The following NAT1 variants were observed in gnomAD, a reference collection of about 807,000 sequenced individuals.
The protein encoded by NAT1 is N-acetyltransferase 1.
For synonymous variants in NAT1, 144 were observed against 122.6 expected, an observed-to-expected ratio of 1.17 and a Z score of -1.16; for missense variants, 400 against 339.2, an observed-to-expected ratio of 1.18 and a Z score of -1.41.
chr8:18,196,096 C>T (rs928324556), intron 2 of NAT1, among the ~76,000 whole-genome samples: 2 of 151,922 alleles, frequency 1.3e-5, no homozygotes, highest in Non-Finnish European at 2.9e-5. Flanking sequence ...AATTTCAAAA[C>T]ATTACACTTT....
intron 2 of NAT1, 101 bp from the exon 3 acceptor site, chr8:18,221,941 C>T: frequency 3.3e-6 from 4 of 1,210,862 alleles, no homozygotes; most frequent in Non-Finnish European, 4.6e-6. Flanking sequence ...ATACTTATAA[C>T]CATTGTATTT....
At position 18,222,105 on chromosome 8, in the gene NAT1, G is replaced by T. The variant is rs759261556; in HGVS notation, c.58G>T (p.Asp20Tyr). 1 of 1,614,102 alleles carries T rather than the reference G, an allele frequency of 6.2e-7. No individual in the cohort carries two copies. The highest frequency in any genetic ancestry group is 1.3e-5 in the African/African-American group (1 of 75,034). ...IGYKKSRNKL[D>Y]LETLTDILQH... ...CTATAAGAAGTCTAGGAACAAATTG[G>T]ACTTGGAAACATTAACTGACATTCT... Residue 20 changes from aspartate to tyrosine, a missense_variant, in exon 3 of 3, where the codon GAC becomes TAC. Coordinates refer to ENST00000307719, the MANE Select transcript of NAT1 (RefSeq NM_000662.8).
At chr8:18,209,324 C>T (rs2117321383), upstream of NAT1, among the ~76,000 whole-genome samples, 1 of 152,368 alleles carries the variant, frequency 6.6e-6, no homozygotes, top group South Asian at 2.1e-4. Flanking sequence ...GAAACACTCA[C>T]TGGTGGAATG....
intron 2 of NAT1, among the ~76,000 whole-genome samples, chr8:18,205,038 G>C (rs981360139): frequency 6.6e-6 from 1 of 152,142 alleles, no homozygotes; most frequent in African/African-American, 2.4e-5. Flanking sequence ...CTTGAGTTTA[G>C]GTATCCACTG....
intron 1 of NAT1, among the ~76,000 whole-genome samples, chr8:18,217,888 G>C (rs1804852391): frequency 6.6e-6 from 1 of 152,168 alleles, no homozygotes; most frequent in Non-Finnish European, 1.5e-5. Flanking sequence ...TTGTATAATA[G>C]GGGCAATTCC....
chr8:18,215,499 C>G (rs1804561624), intron 1 of NAT1, among the ~76,000 whole-genome samples: 2 of 152,100 alleles, frequency 1.3e-5, no homozygotes, highest in South Asian at 4.1e-4. Flanking sequence ...CATTTCTGTC[C>G]TTAATTAGTA....
intron 2 of NAT1, among the ~76,000 whole-genome samples, chr8:18,193,631 CTTT>C (rs796247875): frequency 1.7e-5 from 1 of 57,566 alleles, no homozygotes; most frequent in Admixed American, 2.7e-4. Context: ...TGTAAACCTG[CTTT>C]TTTTTTTTTT....
chr8:18,206,060 A>G (rs1245704920), upstream of NAT1, among the ~76,000 whole-genome samples: 3 of 152,186 alleles, frequency 2.0e-5, no homozygotes, highest in Non-Finnish European at 4.4e-5. Flanking sequence ...TGGGCTCCAC[A>G]TCGGCTGGTT....
At chr8:18,189,765 T>C (rs752694362) in intron 2 of NAT1, among the ~76,000 whole-genome samples, 5 of 152,184 alleles carry the variant, frequency 3.3e-5, no homozygotes, top group Non-Finnish European at 7.4e-5. Flanking sequence ...GGTTGTTGTT[T>C]AGGATCACTG....
chr8:18,189,075 C>T (rs17126336), intron 2 of NAT1, among the ~76,000 whole-genome samples: 4,021 of 151,052 alleles, frequency 0.027, 121 homozygotes, highest in Middle Eastern at 0.08. Context: ...AGTATTTGTC[C>T]CTTACTTAGA....
intron 2 of NAT1, among the ~76,000 whole-genome samples, chr8:18,190,992 G>C (rs1652500949): frequency 2.0e-5 from 3 of 151,750 alleles, no homozygotes; most frequent in South Asian, 2.1e-4. Context: ...TCTTGAACCA[G>C]GAGGCAGAGT....
At chr8:18,198,556 G>A (rs1442348990) in intron 2 of NAT1, among the ~76,000 whole-genome samples, 1 of 152,210 alleles carries the variant, frequency 6.6e-6, no homozygotes, top group African/African-American at 2.4e-5. Flanking sequence ...AATCGAACTT[G>A]TGTCAGTTAA....
Position 18,223,624 on chromosome 8 carries a change from A to T in NAT1, c.*704A>T, listed in dbSNP as rs1805574103. ...GTTATATGGATCAAGTAATAACGTC[A>T]GTAATGTTTTTGGTACAAAGTCATT... On this transcript the variant is annotated 3_prime_UTR_variant, in exon 3 of 3. Coordinates refer to ENST00000307719, the MANE Select transcript of NAT1 (RefSeq NM_000662.8). 1 of 166,910 alleles carries T rather than the reference A, an allele frequency of 6.0e-6. No individual in the cohort carries two copies. The highest frequency in any genetic ancestry group is 6.5e-5 in the Admixed American group (1 of 15,280). 10.3% of individuals were successfully genotyped at this position (166,910 alleles called of 1,614,324 possible). A position where few individuals can be genotyped will look rare whatever the true frequency, so the allele number is the denominator to read the frequency against.
intron 2 of NAT1, among the ~76,000 whole-genome samples, chr8:18,199,045 G>A (rs1029231674): frequency 1.3e-5 from 2 of 151,822 alleles, no homozygotes; most frequent in Non-Finnish European, 2.9e-5. Context: ...CTGGTGATGT[G>A]GCTCACGACT....
intron 2 of NAT1, among the ~76,000 whole-genome samples, chr8:18,190,407 CCA>C (rs1802933541): frequency 1.3e-5 from 2 of 152,216 alleles, no homozygotes; most frequent in Non-Finnish European, 2.9e-5. Flanking sequence ...TAAATTGTGG[CCA>C]CACACAGTGT....
chr8:18,198,895 A>T (rs1231939196), intron 2 of NAT1, among the ~76,000 whole-genome samples: 3 of 152,190 alleles, frequency 2.0e-5, no homozygotes, highest in African/African-American at 7.2e-5. Context: ...AGAGAAAAAA[A>T]CTTTTCTGAG....
At chr8:18,172,999 C>G (rs1802153199) in intron 2 of NAT1, among the ~76,000 whole-genome samples, 1 of 152,110 alleles carries the variant, frequency 6.6e-6, no homozygotes. Flanking sequence ...TCAGTCCGTT[C>G]TCATGGGGAG....
At chr8:18,199,945 A>C (rs1357357377) in intron 2 of NAT1, among the ~76,000 whole-genome samples, 1 of 152,242 alleles carries the variant, frequency 6.6e-6, no homozygotes, top group Non-Finnish European at 1.5e-5. Context: ...GAGAAGTACA[A>C]ATTAAAACCA....
At chr8:18,183,976 T>C (rs988174199) in intron 2 of NAT1, among the ~76,000 whole-genome samples, 1 of 152,160 alleles carries the variant, frequency 6.6e-6, no homozygotes, top group African/African-American at 2.4e-5. Context: ...TGGAGTCTCA[T>C]GCCTGTGCTC....
Sources: allele counts gnomAD v4.1 joint callset (sites outside exome capture counted in the v4.1 genomes callset), GRCh38; gene constraint gnomAD v4.1.1; transcripts MANE v1.5; gene names NCBI Gene and HGNC (gene_info 2026-07-23, HGNC 2026-07-21).